Variants in NOS1 observed in about 807,000 individuals in gnomAD.
NOS1 encodes NOS type I.
Under a neutral mutation model 164.5 loss-of-function variants are expected in NOS1, and 51 were observed. The observed-to-expected ratio is 0.31, with a 90% CI of 0.25 to 0.39. The LOEUF is 0.39. NOS1 is among the 10% of genes least tolerant of loss of function. NOS1 has a pLI of 1.00. For missense variants in NOS1, 1,362 were observed against 1,885.6 expected, an observed-to-expected ratio of 0.72 and a Z score of 5.14; for synonymous variants, 719 against 745.8, an observed-to-expected ratio of 0.96 and a Z score of 0.59.
chr12:117,276,023 T>C (rs963338966), intron 9 of NOS1, among the ~76,000 whole-genome samples: 2 of 152,108 alleles, frequency 1.3e-5, no homozygotes, highest in African/African-American at 4.8e-5. Context: ...CCAGGTTCTG[T>C]AGAGTTTTTT....
intron 17 of NOS1, 69 bp from the exon 18 acceptor site, chr12:117,247,591 G>C (rs1592948359): frequency 1.4e-6 from 2 of 1,383,454 alleles, no homozygotes. Flanking sequence ...CTGGTGTAAT[G>C]GGCTAAACTG....
Position 117,214,721 on chromosome 12 carries a change from T to C in NOS1, c.*588A>G. On this transcript the variant is annotated 3_prime_UTR_variant, in exon 29 of 29. Coordinates refer to ENST00000317775, the MANE Select transcript of NOS1 (RefSeq NM_000620.5). ...ACCCTAATTATGGACACACGAGGGA[T>C]TAATATGGGCCAGGGACACGTTTCT... 2 of 985,228 alleles carry C rather than the reference T, an allele frequency of 2.0e-6. No homozygotes were observed. Among genetic ancestry groups the C allele is most frequent in the Non-Finnish European group, 2.4e-6 (2 of 829,932 alleles). The allele number at this position is 985,228 out of a possible 1,614,324, so 61.0% of individuals were successfully genotyped here.
chr12:117,265,915 C>T (rs960025392), intron 11 of NOS1, among the ~76,000 whole-genome samples: 18 of 151,708 alleles, frequency 1.2e-4, no homozygotes, highest in Admixed American at 1.1e-3. Context: ...CTCAGCCTCC[C>T]GAGTAGCTGG....
At position 117,356,983 on chromosome 12, in the gene NOS1, T is replaced by C. The variant is rs754555876; in HGVS notation, c.-421+4529A>G. On this transcript the variant is annotated intron_variant, in intron 1 of 28. Transcript: ENST00000317775. This position sits in a 1 kb window ranked among gnomAD's most constrained non-coding sequence, Gnocchi z 4.2. ...AGTTAAACTGGGTTTATTAGCTCTGTGATTACTTCTTTGCAGAAGTTATAC... is the reference window on the plus strand; with the variant it reads ...AGTTAAACTGGGTTTATTAGCTCTGCGATTACTTCTTTGCAGAAGTTATAC... Among the ~76,000 whole-genome samples, 14 of 152,216 alleles carry C rather than the reference T, an allele frequency of 9.2e-5. No homozygotes were observed. Among genetic ancestry groups the C allele is most frequent in the Non-Finnish European group, 1.6e-4 (11 of 68,040 alleles).
intron 26 of NOS1, among the ~76,000 whole-genome samples, chr12:117,222,005 G>A (rs61938672): frequency 2.0e-5 from 3 of 151,826 alleles, no homozygotes; most frequent in Admixed American, 6.6e-5. Context: ...ATTTACCGTC[G>A]TAACCACTTT....
chr12:117,258,020 G>A (rs947636554), intron 16 of NOS1, among the ~76,000 whole-genome samples: 3 of 151,848 alleles, frequency 2.0e-5, no homozygotes, highest in Non-Finnish European at 4.4e-5. Context: ...GGCCAGGCTG[G>A]TCTCGAACTC....
At position 117,214,560 on chromosome 12, in the gene NOS1, C is replaced by A; in HGVS notation, c.*749G>T. On this transcript the variant is annotated 3_prime_UTR_variant, in exon 29 of 29. Transcript: ENST00000317775. ...GCTCACTGGTATCAAAATCTAAATG[C>A]AGCAAATTCTGGGAATGCCTCTTTC... 1.0e-6 allele frequency: 1 copy of A among 985,410 alleles called. No individual in the cohort carries two copies. Among genetic ancestry groups the A allele is most frequent in the Non-Finnish European group, 1.2e-6 (1 of 829,970 alleles). The allele number at this position is 985,410 out of a possible 1,614,324, so 61.0% of individuals were successfully genotyped here. A position where few individuals can be genotyped will look rare whatever the true frequency, so the allele number is the denominator to read the frequency against.
intron 4 of NOS1, 67 bp from the exon 5 acceptor site, chr12:117,288,286 G>A: frequency 1.3e-6 from 2 of 1,493,866 alleles, no homozygotes; most frequent in South Asian, 1.2e-5. Context: ...TAGGCTGTGG[G>A]CTTGGATCTC....
chr12:117,221,989 T>C (rs1490484724), intron 26 of NOS1, among the ~76,000 whole-genome samples: 2 of 152,014 alleles, frequency 1.3e-5, no homozygotes, highest in African/African-American at 2.4e-5. Flanking sequence ...AAAAACGTCA[T>C]GTAACATTTA....
intron 1 of NOS1, among the ~76,000 whole-genome samples, chr12:117,343,996 T>C (rs1409707915): frequency 6.6e-6 from 1 of 152,144 alleles, no homozygotes; most frequent in Non-Finnish European, 1.5e-5. Flanking sequence ...ATGGCAGAAA[T>C]AATTCCACAT....
intron 22 of NOS1, among the ~76,000 whole-genome samples, chr12:117,228,605 C>T (rs1172957652): frequency 6.6e-6 from 1 of 152,082 alleles, no homozygotes; most frequent in African/African-American, 2.4e-5. Flanking sequence ...GAGGAACTCT[C>T]TGGAGCTCTG....
Position 117,288,179 on chromosome 12 carries a change from A to G in NOS1, c.1022T>C (p.Met341Thr). 1 of 1,614,036 alleles carries G rather than the reference A, an allele frequency of 6.2e-7. No individual in the cohort carries two copies. Among genetic ancestry groups the G allele is most frequent in the Non-Finnish European group, 8.5e-7 (1 of 1,180,012 alleles). ...CCTCCTTGCATGCTGAGAAGGATGC[A>G]TGATGGAGCCCATGCAGATGTACTC... ...CTEYICMGSI[M>T]HPSQHARRPE... The change falls in exon 5 of 29, where the codon ATG becomes ACG. Residue 341 changes from methionine (M) to threonine (T), a missense_variant. Coordinates refer to ENST00000317775, the MANE Select transcript of NOS1 (RefSeq NM_000620.5).
At chr12:117,273,242 G>C (rs1280138710) in intron 9 of NOS1, among the ~76,000 whole-genome samples, 1 of 152,172 alleles carries the variant, frequency 6.6e-6, no homozygotes, top group Non-Finnish European at 1.5e-5. Context: ...TAAGCACCGT[G>C]GGGGCAGGGA....
chr12:117,223,318 G>A (rs1310563259), intron 25 of NOS1, among the ~76,000 whole-genome samples: 5 of 150,176 alleles, frequency 3.3e-5, no homozygotes, highest in South Asian at 2.1e-4. Flanking sequence ...GCTGGAGTGC[G>A]TGGCACGACC....
chr12:117,230,002 C>G (rs1393096431), intron 22 of NOS1, among the ~76,000 whole-genome samples: 1 of 152,202 alleles, frequency 6.6e-6, no homozygotes, highest in Non-Finnish European at 1.5e-5. Flanking sequence ...TCACCACAGC[C>G]TCGAACTCCT....
chr12:117,257,607 C>CTTTTT (rs151304592), intron 16 of NOS1, among the ~76,000 whole-genome samples: 68 of 99,116 alleles, frequency 6.9e-4, no homozygotes, highest in Non-Finnish European at 9.9e-4. Context: ...TTGATTTTAG[C>CTTTTT]TTTTTTTTTT....
At chr12:117,217,707 A>T (rs1295263538) in intron 28 of NOS1, among the ~76,000 whole-genome samples, 1 of 152,034 alleles carries the variant, frequency 6.6e-6, no homozygotes, top group Non-Finnish European at 1.5e-5. Flanking sequence ...TCCGTCAAAA[A>T]AAAAAAAGCA....
At chr12:117,268,749 C>A (rs906660119) in intron 10 of NOS1, among the ~76,000 whole-genome samples, 4 of 151,476 alleles carry the variant, frequency 2.6e-5, no homozygotes, top group Admixed American at 6.6e-5. Flanking sequence ...GCCACCACGC[C>A]GGGCTAATTT....
In NOS1 at chr12:117,222,838, C is replaced by A. The variant is rs1592925201; in HGVS notation, c.3852G>T (p.Leu1284=). 6.2e-7 allele frequency: 1 copy of A among 1,613,910 alleles called. No individual in the cohort carries two copies. Among genetic ancestry groups the A allele is most frequent in the East Asian group, 2.2e-5 (1 of 44,856 alleles). Residue 1284 remains leucine (L), a synonymous_variant, in exon 26 of 29, where the codon CTG becomes CTT. Coordinates refer to ENST00000317775, the MANE Select transcript of NOS1 (RefSeq NM_000620.5). ...HKGMNPCPMV[L]VFGCRQSKID... Reference sequence around the variant, plus strand: ...TCTTGGATTGCCGGCACCCGAAGACCAGGACCATGGGGCAGGGGTTCATTC... The same window carrying A: ...TCTTGGATTGCCGGCACCCGAAGACAAGGACCATGGGGCAGGGGTTCATTC...
Sources: allele counts gnomAD v4.1 joint callset (sites outside exome capture counted in the v4.1 genomes callset), GRCh38; gene constraint gnomAD v4.1.1; non-coding constraint Gnocchi (gnomAD v3.1); transcripts MANE v1.5; gene names NCBI Gene and HGNC (gene_info 2026-07-23, HGNC 2026-07-21).